GLIS3: variants seen among roughly 807,000 people sequenced by gnomAD.
GLIS3 encodes GLIS family zinc finger 3.
In GLIS3, 53 loss-of-function variants were observed where a neutral mutation model predicts 78.6. The ratio of observed to expected loss-of-function variants is 0.67; its 90% confidence interval spans 0.54 to 0.85. The LOEUF (loss-of-function observed/expected upper bound fraction) is 0.85. GLIS3 is among the 40% of genes least tolerant of loss of function. The pLI, the probability that GLIS3 is intolerant of heterozygous loss-of-function variation, is 0.00. For synonymous variants in GLIS3, 684 were observed against 509.9 expected (o/e 1.34, Z -4.60); for missense variants, 1,703 against 1,231.1 (o/e 1.38, Z -5.74).
At chr9:4,483,397 G>A in the GLIS3 span, among the ~76,000 whole-genome samples, 3 of 152,028 alleles carry the variant, frequency 2.0e-5, no homozygotes, top group African/African-American at 7.2e-5. Context: ...AGTTTTTTTT[G>A]TAACAACTCT....
chr9:3,972,951 G>A (rs1818496161), intron 4 of GLIS3, among the ~76,000 whole-genome samples: 1 of 152,130 alleles, frequency 6.6e-6, no homozygotes, highest in Admixed American at 6.5e-5. Flanking sequence ...TGCAAAGTTT[G>A]AGGGCAAATT....
At chr9:4,323,062 C>A (rs11999439) in intron 2 of GLIS3, among the ~76,000 whole-genome samples, 10,844 of 152,190 alleles carry the variant, frequency 0.071, 1,294 homozygotes, top group African/African-American at 0.24. Context: ...ACATTTAAGT[C>A]TTTAACGGAT....
At chr9:4,387,011 G>T in the GLIS3 span, among the ~76,000 whole-genome samples, 4 of 152,196 alleles carry the variant, frequency 2.6e-5, no homozygotes, top group South Asian at 8.3e-4. Context: ...ATGGCCAGGG[G>T]TGGTGTCTTC....
chr9:4,219,331 T>C (rs1196514206), intron 2 of GLIS3, among the ~76,000 whole-genome samples: 1 of 152,244 alleles, frequency 6.6e-6, no homozygotes, highest in East Asian at 1.9e-4. Context: ...CTTAGAACTT[T>C]TTAAACACTG....
intron 2 of GLIS3, among the ~76,000 whole-genome samples, chr9:4,269,922 C>T (rs933231871): frequency 6.6e-6 from 1 of 152,188 alleles, no homozygotes; most frequent in African/African-American, 2.4e-5. Context: ...CCTATAAATA[C>T]TTAAAGATCA....
intron 4 of GLIS3, among the ~76,000 whole-genome samples, chr9:3,991,098 A>G (rs1234455767): frequency 6.6e-6 from 1 of 152,202 alleles, no homozygotes; most frequent in South Asian, 2.1e-4. Context: ...ATAGCAGCAG[A>G]AACACCCAGC....
chr9:4,139,837 G>C (rs1016638002), intron 2 of GLIS3, among the ~76,000 whole-genome samples: 2 of 152,166 alleles, frequency 1.3e-5, no homozygotes, highest in Admixed American at 1.3e-4. Flanking sequence ...TCTGACACGA[G>C]GCGAAGCTTG....
At chr9:4,022,658 A>G (rs1425792405) in intron 4 of GLIS3, among the ~76,000 whole-genome samples, 1 of 152,198 alleles carries the variant, frequency 6.6e-6, no homozygotes. Context: ...ACAATAGTCA[A>G]AAACTGGAAA....
chr9:3,887,582 G>A (rs571220643), intron 7 of GLIS3, among the ~76,000 whole-genome samples: 1 of 152,268 alleles, frequency 6.6e-6, no homozygotes, highest in African/African-American at 2.4e-5. Context: ...TTCTGCGTAG[G>A]CTGCTCAATT....
chr9:3,918,152 C>G (rs1377209918), intron 6 of GLIS3, among the ~76,000 whole-genome samples: 1 of 152,154 alleles, frequency 6.6e-6, no homozygotes, highest in African/African-American at 2.4e-5. Context: ...TCCCTCTTTC[C>G]TGGTTTCAGT....
intron 2 of GLIS3, among the ~76,000 whole-genome samples, chr9:4,338,543 C>T (rs1037841763): frequency 5.9e-5 from 9 of 152,058 alleles, no homozygotes; most frequent in Non-Finnish European, 1.2e-4. Flanking sequence ...CTGTATAGGG[C>T]CCCAAACTTG....
intron 2 of GLIS3, among the ~76,000 whole-genome samples, chr9:4,154,453 T>G (rs190762030): frequency 1.2e-3 from 187 of 152,364 alleles, no homozygotes; most frequent in African/African-American, 4.2e-3. Flanking sequence ...CATTTTAGGA[T>G]GCAGAAGGCA....
chr9:4,271,506 T>C (rs1237583427), intron 2 of GLIS3, among the ~76,000 whole-genome samples: 1 of 152,118 alleles, frequency 6.6e-6, no homozygotes, highest in Admixed American at 6.5e-5. Flanking sequence ...GGGAGAAGAA[T>C]GAAGTGATGT....
the GLIS3 span, among the ~76,000 whole-genome samples, chr9:4,454,151 A>C: frequency 6.3e-5 from 1 of 15,976 alleles, no homozygotes; most frequent in Admixed American, 8.8e-4. Context: ...ATATGATGAT[A>C]AAAAAAAAAA....
intron 2 of GLIS3, among the ~76,000 whole-genome samples, chr9:4,150,137 C>G (rs1345689278): frequency 2.0e-5 from 3 of 152,136 alleles, no homozygotes; most frequent in Non-Finnish European, 4.4e-5. Context: ...GAAGCAACCT[C>G]CCATACAGAC....
chr9:4,100,301 C>A (rs1003738249), intron 4 of GLIS3, among the ~76,000 whole-genome samples: 1 of 152,244 alleles, frequency 6.6e-6, no homozygotes, highest in East Asian at 1.9e-4. Context: ...AGTCATTAAC[C>A]TTACACCCTT....
chr9:4,025,633 G>C (rs753386656), intron 4 of GLIS3, among the ~76,000 whole-genome samples: 1 of 152,076 alleles, frequency 6.6e-6, no homozygotes, highest in Non-Finnish European at 1.5e-5. Context: ...TGATCCGCCC[G>C]TCTCAGCCTC....
At chr9:3,925,862 T>C (rs67494139) in intron 6 of GLIS3, among the ~76,000 whole-genome samples, 6,897 of 152,318 alleles carry the variant, frequency 0.045, 194 homozygotes, top group Non-Finnish European at 0.061. Context: ...CCTCGGAACT[T>C]AATTCTCGTT....
At chr9:4,130,610 T>C (rs903946872) in intron 2 of GLIS3, among the ~76,000 whole-genome samples, 1 of 152,176 alleles carries the variant, frequency 6.6e-6, no homozygotes, top group Non-Finnish European at 1.5e-5. Context: ...CTTAAGCCTG[T>C]AGGTGCACGA....
Sources: gnomAD v4.1 joint callset for allele counts (sites outside exome capture counted in the v4.1 genomes callset) on GRCh38, gnomAD v4.1.1 for gene constraint, MANE v1.5 for transcripts, NCBI Gene and HGNC (gene_info 2026-07-23, HGNC 2026-07-21) for gene names.